DLL4: variants seen among roughly 807,000 people sequenced by gnomAD.
The protein encoded by DLL4 is delta-like protein 4.
In DLL4, 7 loss-of-function variants were observed where a neutral mutation model predicts 73.6. The ratio of observed to expected loss-of-function variants is 0.10; its 90% CI spans 0.05 to 0.18. DLL4 has a LOEUF of 0.18. DLL4 is among the 10% of genes least tolerant of loss of function. DLL4 has a pLI of 1.00. For synonymous variants in DLL4, 345 were observed against 374.3 expected (o/e 0.92, Z 0.90); for missense variants, 614 against 929.9 (o/e 0.66, Z 4.42).
Position 40,934,924 on chromosome 15 carries a change from G to A in DLL4, c.1047G>A (p.Leu349=). 1 of 1,613,718 alleles carries A rather than the reference G, an allele frequency of 6.2e-7. No homozygotes were observed. The highest frequency in any genetic ancestry group is 1.1e-5 in the South Asian group (1 of 91,090). ...CKDQEDGYHC[L]CPPGYYGLHC... is the part of the protein sequence containing the mutation. ...ACCAGGAGGATGGCTACCACTGCCT[G>A]TGTCCTCCGGGCTACTATGGCCTGC... The change falls in exon 8 of 11, where the codon CTG becomes CTA. Residue 349 remains leucine, a synonymous_variant. Transcript: ENST00000249749.
intron 10 of DLL4, 24 bp from the exon 11 acceptor site, chr15:40,938,005 T>C (rs1443322355): frequency 6.2e-7 from 1 of 1,602,366 alleles, no homozygotes; most frequent in Non-Finnish European, 8.5e-7. Flanking sequence ...GTAACCTGTT[T>C]CCCTGCCTTC....
intron 10 of DLL4, 21 bp from the exon 11 acceptor site, chr15:40,938,008 C>T: frequency 6.2e-7 from 1 of 1,602,036 alleles, no homozygotes; most frequent in Non-Finnish European, 8.5e-7. Context: ...ACCTGTTTCC[C>T]TGCCTTCCGC....
intron 8 of DLL4, 111 bp downstream of exon 8, chr15:40,935,228 C>A: frequency 9.1e-7 from 1 of 1,100,494 alleles, no homozygotes; most frequent in African/African-American, 1.6e-5. Context: ...TCTGGCCCCC[C>A]ATCTGCTCTG....
Position 40,931,569 on chromosome 15 carries a change from A to G in DLL4, c.461A>G (p.Asn154Ser). 6.2e-7 allele frequency: 1 copy of G among 1,612,010 alleles called. No homozygotes were observed. The highest frequency in any genetic ancestry group is 1.7e-5 in the Admixed American group (1 of 59,716). The change falls in exon 4 of 11, where the codon AAC becomes AGC. Residue 154 changes from asparagine to serine, a missense_variant. By Grantham distance (46) the Asn-to-Ser change is conservative. Around this residue, in one of 3 missense-constraint regions of DLL4, gnomAD observed 227 missense variants for 370.8 expected, o/e 0.61. Coordinates refer to ENST00000249749, the MANE Select transcript of DLL4 (RefSeq NM_019074.4). Reference protein sequence around the residue: ...AIQGSLAVGQNWLLDEQTSTL... With the variant: ...AIQGSLAVGQSWLLDEQTSTL... ...CAGGGCTCCCTAGCTGTGGGTCAGA[A>G]CTGGTTATTGGATGAGCAAACCAGC... is the stretch of plus-strand genomic sequence containing the variant.
At chr15:40,937,563 G>A (rs776647958) in intron 10 of DLL4, 37 bp downstream of exon 10, 1 of 1,457,508 alleles carries the variant, frequency 6.9e-7, no homozygotes, top group Non-Finnish European at 9.6e-7. Flanking sequence ...TGCCTTTTGT[G>A]GGAGGGAAAG....
chr15:40,937,029 G>GTTT, intron 9 of DLL4, 99 bp downstream of exon 9: 1 of 1,031,100 alleles, frequency 9.7e-7, no homozygotes, highest in Non-Finnish European at 1.4e-6. Flanking sequence ...AGCAGCTGAG[G>GTTT]TTTTGTTACT....
At chr15:40,931,867 G>C (rs1892775797) in intron 4 of DLL4, 101 bp downstream of exon 4, 1 of 1,457,958 alleles carries the variant, frequency 6.9e-7, no homozygotes, top group East Asian at 2.4e-5. Context: ...GAGTGGGTCT[G>C]GGCCTCCTAC....
rs1892747776 is a variant in DLL4, at chr15:40,930,314, G to A, written c.336+198G>A. 1 of 730,396 alleles carries A rather than the reference G, an allele frequency of 1.4e-6. No homozygotes were observed. The highest frequency in any genetic ancestry group is 2.2e-6 in the Non-Finnish European group (1 of 453,588). 45.2% of individuals were successfully genotyped at this position (730,396 alleles called of 1,614,324 possible). A position where few individuals can be genotyped will look rare whatever the true frequency, so the allele number is the denominator to read the frequency against. On this transcript the variant is annotated intron_variant, in intron 2 of 10. Coordinates refer to ENST00000249749, the MANE Select transcript of DLL4 (RefSeq NM_019074.4). The surrounding 1 kb of genome is among the most constrained non-coding windows in gnomAD (Gnocchi z 5.7). ...GCTCTCACCAGTCTCCGTCTTCCCA[G>A]TTTATGTCCTCCCGTCCCCAGCTCT...
At chr15:40,935,590 A>C (rs192316490) in intron 8 of DLL4, among the ~76,000 whole-genome samples, 2 of 152,238 alleles carry the variant, frequency 1.3e-5, no homozygotes, top group East Asian at 1.9e-4. Context: ...ATCCTTGTCT[A>C]TCTGGCTCCC....
Position 40,931,577 on chromosome 15 carries a change from T to C in DLL4, c.469T>C (p.Leu157=), listed in dbSNP as rs776768540. ...CCTAGCTGTGGGTCAGAACTGGTTA[T>C]TGGATGAGCAAACCAGCACCCTCAC... The part of the protein sequence containing the change: ...GSLAVGQNWL[L]DEQTSTLTRL... Residue 157 remains leucine (L), a synonymous_variant, in exon 4 of 11, where the codon TTG becomes CTG. Coordinates refer to ENST00000249749, the MANE Select transcript of DLL4 (RefSeq NM_019074.4). 70 of 1,612,416 alleles carry C rather than the reference T, an allele frequency of 4.3e-5. No homozygotes were observed. Among genetic ancestry groups the C allele is most frequent in the South Asian group, 3.9e-4 (35 of 90,668 alleles).
Position 40,929,760 on chromosome 15 carries a change from C to T in DLL4, c.66+26C>T. On this transcript the variant is annotated intron_variant, in intron 1 of 10. Transcript: ENST00000249749. The surrounding 1 kb of genome is among the most constrained non-coding windows in gnomAD (Gnocchi z 7.1). ...GTAACACGTCCCGCGCCCTCTCCGT[C>T]CCCTCTGCCGCGCTCTGGGCCTCAG... The T allele has an allele frequency of 1.1e-5, 18 of 1,600,940 alleles. No individual in the cohort carries two copies. The highest frequency in any genetic ancestry group is 1.5e-5 in the Non-Finnish European group (18 of 1,176,904).
At chr15:40,934,038 A>G (rs1892807304) in intron 6 of DLL4, among the ~76,000 whole-genome samples, 2 of 151,156 alleles carry the variant, frequency 1.3e-5, no homozygotes, top group African/African-American at 2.4e-5. Flanking sequence ...AAAAAAAAAA[A>G]AAAGAAACAT....
At chr15:40,931,371 G>A in intron 3 of DLL4, 132 bp from the exon 4 acceptor site, 1 of 1,137,218 alleles carries the variant, frequency 8.8e-7, no homozygotes, top group Non-Finnish European at 1.2e-6. Context: ...TGGCAGGCGG[G>A]GGTCATCTGG....
intron 3 of DLL4, chr15:40,931,274 T>C: frequency 1.7e-6 from 1 of 588,526 alleles, no homozygotes; most frequent in Non-Finnish European, 3.0e-6. Context: ...TATTGTCCCC[T>C]TTTTGAATAC....
chr15:40,937,975 A>G, intron 10 of DLL4, 54 bp from the exon 11 acceptor site: 1 of 1,594,818 alleles, frequency 6.3e-7, no homozygotes, highest in Non-Finnish European at 8.5e-7. Context: ...GAGGGCCTGG[A>G]GGGAGTGCGC....
At chr15:40,933,268 T>TTGTG (rs113508793) in intron 6 of DLL4, among the ~76,000 whole-genome samples, 60,567 of 147,222 alleles carry the variant, frequency 0.41, 12,461 homozygotes, top group East Asian at 0.59. Flanking sequence ...AGTCCCTGTG[T>TTGTG]TGTGTGTGTG....
At chr15:40,937,079 T>C in intron 9 of DLL4, 149 bp downstream of exon 9, 1 of 681,206 alleles carries the variant, frequency 1.5e-6, no homozygotes, top group Non-Finnish European at 2.4e-6. Flanking sequence ...TCAGGGGTCC[T>C]TTGTCCTTCC....
chr15:40,929,523 G>A lies in DLL4; in HGVS notation c.-146G>A. On this transcript the variant is annotated 5_prime_UTR_variant, in exon 1 of 11. Coordinates refer to ENST00000249749, the MANE Select transcript of DLL4 (RefSeq NM_019074.4). The surrounding 1 kb of genome is among the most constrained non-coding windows in gnomAD (Gnocchi z 7.1). ...TACCTACAGCGGCAGCTGCAGCGGA[G>A]CCAGCGAGAAGGCCAAAGGGGAGCA... 1.3e-6 allele frequency: 1 copy of A among 747,228 alleles called. No homozygotes were observed. Among genetic ancestry groups the A allele is most frequent in the Non-Finnish European group, 2.1e-6 (1 of 481,294 alleles). The allele number at this position is 747,228 out of a possible 1,614,324, so 46.3% of individuals were successfully genotyped here. A position where few individuals can be genotyped will look rare whatever the true frequency, so the allele number is the denominator to read the frequency against.
chr15:40,938,621 C>T lies in DLL4; in HGVS notation c.*587C>T, dbSNP rs1892877807. The T allele has an allele frequency of 6.6e-6, 1 of 152,638 alleles. No individual in the cohort carries two copies. Among genetic ancestry groups the T allele is most frequent in the African/African-American group, 2.4e-5 (1 of 41,482 alleles). The allele number at this position is 152,638 out of a possible 1,614,324, so 9.5% of individuals were successfully genotyped here. ...CTCCAACTACTGTATGCAGGCCTGG[C>T]TCTCTGGTCTAGGCCCTTTGGGCAA... On this transcript the variant is annotated 3_prime_UTR_variant, in exon 11 of 11. Coordinates refer to ENST00000249749, the MANE Select transcript of DLL4 (RefSeq NM_019074.4).
Sources: allele counts gnomAD v4.1 joint callset (sites outside exome capture counted in the v4.1 genomes callset), GRCh38; gene constraint gnomAD v4.1.1; regional missense constraint gnomAD v4.1.1; non-coding constraint Gnocchi (gnomAD v3.1); transcripts MANE v1.5; gene names NCBI Gene and HGNC (gene_info 2026-07-23, HGNC 2026-07-21).